Variants in RGS22 observed in about 807,000 individuals in gnomAD.
RGS22 encodes the protein regulator of G protein signaling 22.
Under a neutral mutation model 172.9 loss-of-function variants are expected in RGS22, and 148 were observed. The observed-to-expected ratio is 0.86, with a 90% CI of 0.75 to 0.98. The LOEUF is 0.98. RGS22 is among the 50% of genes least tolerant of loss of function. The pLI is 0.00. For missense variants in RGS22, 1,347 were observed against 1,440.8 expected (o/e 0.93, Z 1.05); for synonymous variants, 458 against 480.2 (o/e 0.95, Z 0.60).
In RGS22 at chr8:100,041,790, CA is replaced by C; in HGVS notation, c.1938+11del. 1 of 1,482,608 alleles carries C rather than the reference CA, an allele frequency of 6.7e-7. No homozygotes were observed. Among genetic ancestry groups the C allele is most frequent in the South Asian group, 1.1e-5 (1 of 86,966 alleles). The allele number at this position is 1,482,608 out of a possible 1,614,324, so 91.8% of individuals were successfully genotyped here. A position where few individuals can be genotyped will look rare whatever the true frequency, so the allele number is the denominator to read the frequency against. Reference sequence around the variant, plus strand: ...TGAAGAATCAGGTTTATTCAGTCCTCAAAACACTCACCCTAGGTTCTTCTGT... The same window carrying C: ...TGAAGAATCAGGTTTATTCAGTCCTCAAACACTCACCCTAGGTTCTTCTGT... On this transcript the variant is annotated intron_variant, in intron 12 of 27. Transcript: ENST00000360863.
rs138623917 is a variant in RGS22, at chr8:100,061,233, C to T, written c.1514+1358G>A. ...GGAAGACAACCTAGGCAATACCATT[C>T]AGGACATAGGCACAGGCAAAGATTT... is the stretch of plus-strand genomic sequence containing the variant. On this transcript the variant is annotated intron_variant, in intron 9 of 27. Transcript: ENST00000360863. 3.5e-3 allele frequency among the ~76,000 whole-genome samples: 538 copies of T among 152,262 alleles called. 2 individuals are homozygous for T. Among genetic ancestry groups the T allele is most frequent in the African/African-American group, 0.012 (497 of 41,558 alleles).
chr8:100,093,394 A>G, intron 3 of RGS22, 53 bp downstream of exon 3: 2 of 1,089,696 alleles, frequency 1.8e-6, no homozygotes, highest in Non-Finnish European at 2.7e-6. Context: ...CCCAGTGATT[A>G]AAATATTTTG....
chr8:100,097,322 A>G (rs966752633), intron 2 of RGS22, among the ~76,000 whole-genome samples: 1 of 152,242 alleles, frequency 6.6e-6, no homozygotes, highest in African/African-American at 2.4e-5. Flanking sequence ...ATTGTGCATC[A>G]ACAAAAGAAT....
rs144348533 is a variant in RGS22 at position 99,990,242 on chromosome 8, A to G, written c.3019-2623T>C. 3.6e-3 allele frequency among the ~76,000 whole-genome samples: 541 copies of G among 152,302 alleles called. 5 individuals are homozygous for G. Among genetic ancestry groups the G allele is most frequent in the African/African-American group, 0.013 (523 of 41,574 alleles). On this transcript the variant is annotated intron_variant, in intron 20 of 27. Coordinates refer to ENST00000360863, the MANE Select transcript of RGS22 (RefSeq NM_015668.5). ...AGCTATGATCATACTACTGCACGGT[A>G]GCCTGGGCAACAGAGCAAGACCCTA... is the stretch of plus-strand genomic sequence containing the variant.
chr8:100,000,715 T>C (rs1814949099), intron 18 of RGS22, among the ~76,000 whole-genome samples: 1 of 152,176 alleles, frequency 6.6e-6, no homozygotes, highest in African/African-American at 2.4e-5. Flanking sequence ...ACAAATGCTT[T>C]CCATGTGTTT....
rs992269425 is a variant in RGS22, at chr8:99,996,359, C to G, written c.3018+103G>C. The G allele has an allele frequency of 4.5e-6, 4 of 890,196 alleles. No homozygotes were observed. The African/African-American group carries it at 5.0e-5, about 11-fold the overall frequency. The allele number at this position is 890,196 out of a possible 1,614,324, so 55.1% of individuals were successfully genotyped here. On this transcript the variant is annotated intron_variant, in intron 20 of 27. Coordinates refer to ENST00000360863, the MANE Select transcript of RGS22 (RefSeq NM_015668.5). Reference sequence around the variant, plus strand: ...AGTGCTCAGTTGTCAGTTTAGAAAACAGTGTGTCCTCAGTGAGGATTTTTG... The same window carrying G: ...AGTGCTCAGTTGTCAGTTTAGAAAAGAGTGTGTCCTCAGTGAGGATTTTTG...
intron 3 of RGS22, among the ~76,000 whole-genome samples, chr8:100,085,860 C>T (rs1563718016): frequency 6.6e-6 from 1 of 152,214 alleles, no homozygotes. Flanking sequence ...CTTTAAACCT[C>T]ACTCTCTCTG....
At chr8:99,978,207 A>G in intron 22 of RGS22, 132 bp from the exon 23 acceptor site, 1 of 495,282 alleles carries the variant, frequency 2.0e-6, no homozygotes, top group Non-Finnish European at 3.4e-6. Context: ...GTCTCCAGAC[A>G]TCTTGGTATA....
intron 20 of RGS22, among the ~76,000 whole-genome samples, chr8:99,993,136 T>C (rs568750945): frequency 4.6e-5 from 7 of 152,336 alleles, no homozygotes; most frequent in African/African-American, 1.7e-4. Flanking sequence ...GGGAAATTTA[T>C]AGCACTAAAT....
intron 14 of RGS22, among the ~76,000 whole-genome samples, chr8:100,008,978 G>A (rs1040193117): frequency 6.6e-6 from 1 of 152,088 alleles, no homozygotes; most frequent in Admixed American, 6.5e-5. Context: ...TAAAAAGCTG[G>A]CTATTAGTCT....
chr8:100,027,629 T>G (rs1032607604), intron 14 of RGS22, among the ~76,000 whole-genome samples: 1 of 152,106 alleles, frequency 6.6e-6, no homozygotes, highest in Non-Finnish European at 1.5e-5. Context: ...AATACAGGCA[T>G]GTACCACCAC....
At chr8:100,056,006 A>G (rs556454242) in intron 9 of RGS22, among the ~76,000 whole-genome samples, 107 of 152,342 alleles carry the variant, frequency 7.0e-4, no homozygotes, top group Non-Finnish European at 1.1e-3. Flanking sequence ...AGAAGAAGAT[A>G]GCAAGATGTG....
chr8:100,069,802 G>A (rs1810810513), intron 6 of RGS22, among the ~76,000 whole-genome samples: 2 of 151,878 alleles, frequency 1.3e-5, no homozygotes, highest in Non-Finnish European at 2.9e-5. Context: ...CAAATTAAAG[G>A]GAGCAGAGCA....
At position 100,008,383 on chromosome 8, in the gene RGS22, A is replaced by G; in HGVS notation, c.2353T>C (p.Tyr785His). The G allele has an allele frequency of 6.2e-7, 1 of 1,608,780 alleles. No individual in the cohort carries two copies. ...TKMVKSDQIA[Y>H]KKVELVEETR... is the part of the protein sequence containing the mutation. ...TATCGGTGGCACGGTACCTTTTTATAAGCAATTTGGTCCGATTTTACCATC... is the reference window on the plus strand; with the variant it reads ...TATCGGTGGCACGGTACCTTTTTATGAGCAATTTGGTCCGATTTTACCATC... The change falls in exon 15 of 28, where the codon TAT becomes CAT. Residue 785 changes from tyrosine to histidine, a missense_variant. Coordinates refer to ENST00000360863, the MANE Select transcript of RGS22 (RefSeq NM_015668.5).
chr8:99,973,696 C>T (rs1260410117), intron 23 of RGS22, among the ~76,000 whole-genome samples: 2 of 151,878 alleles, frequency 1.3e-5, no homozygotes, highest in African/African-American at 2.4e-5. Context: ...GGTGAAACCC[C>T]GTTTCTACTA....
At chr8:100,090,783 A>T (rs1484117432) in intron 3 of RGS22, among the ~76,000 whole-genome samples, 1 of 152,172 alleles carries the variant, frequency 6.6e-6, no homozygotes, top group African/African-American at 2.4e-5. Flanking sequence ...AAGCATAAAG[A>T]AAGTCAGTCA....
intron 10 of RGS22, among the ~76,000 whole-genome samples, chr8:100,051,473 TTA>T (rs1266597200): frequency 4.0e-5 from 4 of 100,754 alleles, no homozygotes; most frequent in Admixed American, 1.5e-4. Flanking sequence ...TAAATATATA[TTA>T]TATATATTTA....
chr8:100,023,750 T>C (rs1817866275), intron 14 of RGS22, among the ~76,000 whole-genome samples: 1 of 152,168 alleles, frequency 6.6e-6, no homozygotes, highest in Non-Finnish European at 1.5e-5. Flanking sequence ...ATTCTTTCTT[T>C]ACATGTGCTG....
At chr8:99,970,715 T>C (rs1267571114) in intron 23 of RGS22, among the ~76,000 whole-genome samples, 1 of 152,044 alleles carries the variant, frequency 6.6e-6, no homozygotes, top group Non-Finnish European at 1.5e-5. Context: ...AATAACAAGT[T>C]CTGAAATTGA....
Sources: allele counts gnomAD v4.1 joint callset (sites outside exome capture counted in the v4.1 genomes callset), GRCh38; gene constraint gnomAD v4.1.1; transcripts MANE v1.5; gene names NCBI Gene and HGNC (gene_info 2026-07-23, HGNC 2026-07-21).